Variants in L3MBTL4 observed in about 807,000 individuals in gnomAD.
The protein encoded by L3MBTL4 is lethal(3)malignant brain tumor-like protein 4.
In L3MBTL4, 70 loss-of-function variants were observed where a neutral mutation model predicts 84.5. The ratio of observed to expected loss-of-function variants is 0.83; its 90% CI spans 0.68 to 1.01. The LOEUF (loss-of-function observed/expected upper bound fraction) is 1.01. Among genes scored for constraint, L3MBTL4 ranks in the 50% least tolerant of loss-of-function variants. The probability of loss-of-function intolerance (pLI) is 0.00; values close to 1 mark genes in which losing one functional copy is unlikely to be tolerated. For synonymous variants in L3MBTL4, 274 were observed against 259.8 expected, an observed-to-expected ratio of 1.05 and a Z score of -0.52; for missense variants, 715 against 754.8, an observed-to-expected ratio of 0.95 and a Z score of 0.62.
intron 5 of L3MBTL4, among the ~76,000 whole-genome samples, chr18:6,253,319 A>G (rs921291090): frequency 2.6e-5 from 4 of 152,258 alleles, no homozygotes; most frequent in Non-Finnish European, 5.9e-5. Context: ...ACACTGGTCA[A>G]TACAAAACCT....
At chr18:6,036,161 G>T (rs2056129641) in intron 16 of L3MBTL4, among the ~76,000 whole-genome samples, 1 of 152,126 alleles carries the variant, frequency 6.6e-6, no homozygotes, top group Non-Finnish European at 1.5e-5. Context: ...TTTCGGTTTG[G>T]ATCTTTGAGT....
chr18:6,261,726 A>T (rs2048407998), intron 5 of L3MBTL4, among the ~76,000 whole-genome samples: 1 of 152,148 alleles, frequency 6.6e-6, no homozygotes, highest in Non-Finnish European at 1.5e-5. Context: ...CATAAGGGAA[A>T]ATCTGAAGGA....
rs372678843 is a variant in L3MBTL4, at chr18:6,186,520, G to A, written c.982-14578C>T. Among the ~76,000 whole-genome samples the A allele has an allele frequency of 7.2e-5, 11 of 152,130 alleles. No individual in the cohort carries two copies. The East Asian group carries it at 7.7e-4, about 11-fold the overall frequency. ...TGGGATAAACAAGAGAAAGAGTTTC[G>A]GAAATGAGAAGCCTCAGCTCTCTCA... On this transcript the variant is annotated intron_variant, in intron 12 of 18. Transcript: ENST00000317931.
intron 13 of L3MBTL4, among the ~76,000 whole-genome samples, chr18:6,155,578 AT>A (rs1555673095): frequency 2.6e-5 from 4 of 152,216 alleles, no homozygotes; most frequent in Non-Finnish European, 1.5e-5. Flanking sequence ...TGGTAAACTT[AT>A]GTGCTGAAGT....
chr18:6,344,615 A>G (rs2052781112), intron 1 of L3MBTL4, among the ~76,000 whole-genome samples: 2 of 152,216 alleles, frequency 1.3e-5, no homozygotes. Context: ...AATATCCCTG[A>G]TGAACACATA....
At chr18:6,015,385 G>A (rs1296967434) in intron 16 of L3MBTL4, among the ~76,000 whole-genome samples, 1 of 152,090 alleles carries the variant, frequency 6.6e-6, no homozygotes, top group Non-Finnish European at 1.5e-5. Flanking sequence ...GCAAGCCATG[G>A]TCAACACTCA....
intron 9 of L3MBTL4, among the ~76,000 whole-genome samples, chr18:6,238,361 G>A (rs1229373013): frequency 4.6e-5 from 7 of 152,062 alleles, no homozygotes; most frequent in East Asian, 1.9e-4. Context: ...GTGAAACCCC[G>A]TCTCCACTAA....
chr18:6,181,035 T>C (rs1180612705), intron 12 of L3MBTL4, among the ~76,000 whole-genome samples: 1 of 152,192 alleles, frequency 6.6e-6, no homozygotes, highest in African/African-American at 2.4e-5. Flanking sequence ...TATCTACTTA[T>C]ATCTAGAATA....
intron 5 of L3MBTL4, among the ~76,000 whole-genome samples, chr18:6,262,371 A>C (rs1006636732): frequency 6.6e-6 from 1 of 152,238 alleles, no homozygotes; most frequent in African/African-American, 2.4e-5. Context: ...TCATCTGAGC[A>C]CACTCAACAC....
At chr18:6,035,860 C>G (rs867058825) in intron 16 of L3MBTL4, among the ~76,000 whole-genome samples, 1 of 152,076 alleles carries the variant, frequency 6.6e-6, no homozygotes, top group Non-Finnish European at 1.5e-5. Context: ...AAAATTGACA[C>G]CCTAACATCA....
chr18:6,399,493 T>A (rs1160526729), intron 1 of L3MBTL4, among the ~76,000 whole-genome samples: 1 of 152,090 alleles, frequency 6.6e-6, no homozygotes, highest in East Asian at 1.9e-4. Flanking sequence ...TATAAGTGGC[T>A]TTGTTCTTGA....
At chr18:6,063,481 C>T (rs548035508) in intron 16 of L3MBTL4, among the ~76,000 whole-genome samples, 1 of 152,066 alleles carries the variant, frequency 6.6e-6, no homozygotes, top group African/African-American at 2.4e-5. Context: ...ACACTCCCAC[C>T]AGCAGTGTAA....
chr18:6,386,473 T>A (rs2054823852), intron 1 of L3MBTL4, among the ~76,000 whole-genome samples: 1 of 152,206 alleles, frequency 6.6e-6, no homozygotes, highest in African/African-American at 2.4e-5. Flanking sequence ...GCACTGCAGA[T>A]AAAGCAGTAA....
chr18:6,218,788 C>T (rs2046429289), intron 10 of L3MBTL4, among the ~76,000 whole-genome samples: 1 of 152,182 alleles, frequency 6.6e-6, no homozygotes, highest in East Asian at 1.9e-4. Context: ...CTCCAACTTT[C>T]TTCCTTCCGA....
At chr18:6,339,087 A>G (rs1045290307) in intron 1 of L3MBTL4, among the ~76,000 whole-genome samples, 4 of 152,184 alleles carry the variant, frequency 2.6e-5, no homozygotes, top group Non-Finnish European at 5.9e-5. Context: ...AGCTTATAAA[A>G]CAACCAGATC....
chr18:6,142,783 A>T (rs2060236749), intron 13 of L3MBTL4, among the ~76,000 whole-genome samples: 1 of 152,158 alleles, frequency 6.6e-6, no homozygotes, highest in Non-Finnish European at 1.5e-5. Context: ...TTATTTGGGC[A>T]TGGTGGCATG....
chr18:6,303,520 G>T (rs1193304804), intron 3 of L3MBTL4, among the ~76,000 whole-genome samples: 2 of 152,214 alleles, frequency 1.3e-5, no homozygotes, highest in South Asian at 4.1e-4. Flanking sequence ...GCTGAAAAAT[G>T]AGTGTTATGA....
At chr18:6,212,774 T>G (rs1599170862) in intron 12 of L3MBTL4, among the ~76,000 whole-genome samples, 2 of 152,270 alleles carry the variant, frequency 1.3e-5, no homozygotes, top group East Asian at 3.9e-4. Flanking sequence ...TATTAGAATA[T>G]CTCTCAAAGT....
At chr18:6,047,374 G>C (rs929924513) in intron 16 of L3MBTL4, among the ~76,000 whole-genome samples, 1 of 151,898 alleles carries the variant, frequency 6.6e-6, no homozygotes, top group Non-Finnish European at 1.5e-5. Context: ...TTGAGGAGGA[G>C]AGACTGACTC....
Sources: allele counts gnomAD v4.1 joint callset (sites outside exome capture counted in the v4.1 genomes callset), GRCh38; gene constraint gnomAD v4.1.1; transcripts MANE v1.5; gene names NCBI Gene and HGNC (gene_info 2026-07-23, HGNC 2026-07-21).